Variants in TTBK2 observed in about 807,000 individuals in gnomAD.
TTBK2 encodes the protein tau tubulin kinase 2.
Under a neutral mutation model 110.8 loss-of-function variants are expected in TTBK2, and 28 were observed. The ratio of observed to expected loss-of-function variants is 0.25; its 90% CI spans 0.19 to 0.35. The LOEUF is 0.35. TTBK2 is among the 10% of genes least tolerant of loss of function. TTBK2 has a pLI of 1.00. For synonymous variants in TTBK2, 532 were observed against 527.3 expected, an observed-to-expected ratio of 1.01 and a Z score of -0.12; for missense variants, 1,369 against 1,500.3, an observed-to-expected ratio of 0.91 and a Z score of 1.45.
At chr15:42,764,825 G>A (rs1053535657) in intron 13 of TTBK2, among the ~76,000 whole-genome samples, 1 of 152,254 alleles carries the variant, frequency 6.6e-6, no homozygotes. Context: ...CCTGACACCC[G>A]TGTAGCCTAA....
intron 2 of TTBK2, among the ~76,000 whole-genome samples, chr15:42,874,145 T>A (rs1411504421): frequency 6.6e-6 from 1 of 152,174 alleles, no homozygotes; most frequent in Non-Finnish European, 1.5e-5. Context: ...CCATTGTCAA[T>A]GTCCTATCCT....
chr15:42,822,830 T>G (rs564013597), intron 6 of TTBK2, among the ~76,000 whole-genome samples: 9 of 152,142 alleles, frequency 5.9e-5, no homozygotes, highest in African/African-American at 2.2e-4. Context: ...ATTTTAACAA[T>G]TAAAACAAGA....
chr15:42,859,726 A>T (rs542125319), intron 3 of TTBK2, among the ~76,000 whole-genome samples: 1 of 152,370 alleles, frequency 6.6e-6, no homozygotes, highest in East Asian at 1.9e-4. Flanking sequence ...CAATTTGAAT[A>T]GAAAAAGCAA....
At chr15:42,760,844 C>T (rs754873148) in intron 13 of TTBK2, among the ~76,000 whole-genome samples, 4 of 151,998 alleles carry the variant, frequency 2.6e-5, no homozygotes, top group South Asian at 4.1e-4. Flanking sequence ...AAAAACAATC[C>T]GACCCCAAAT....
chr15:42,830,630 T>C (rs2140987815), intron 4 of TTBK2, among the ~76,000 whole-genome samples: 1 of 152,000 alleles, frequency 6.6e-6, no homozygotes, highest in Non-Finnish European at 1.5e-5. Flanking sequence ...TCTGAAGTCA[T>C]AACAAAAAAG....
At position 42,775,395 on chromosome 15, in the gene TTBK2, C is replaced by G; in HGVS notation, c.1738G>C (p.Asp580His). The change falls in exon 13 of 15, where the codon GAT (aspartate) becomes CAT (histidine). Residue 580 changes from aspartate to histidine, a missense_variant. By Grantham distance (81) the Asp-to-His change is moderately conservative. Transcript: ENST00000267890. ...VGHKTTGSPS[D>H]EEPEVLQVLE... ...ACTTGAAGTACTTCAGGCTCCTCAT[C>G]AGAAGGACTTCCAGTTGTTTTATGT... 4.3e-6 allele frequency: 7 copies of G among 1,614,230 alleles called. No homozygotes were observed. The highest frequency in any genetic ancestry group is 5.9e-6 in the Non-Finnish European group (7 of 1,180,046).
chr15:42,788,902 C>A (rs1156247001), intron 10 of TTBK2, among the ~76,000 whole-genome samples: 1 of 152,088 alleles, frequency 6.6e-6, no homozygotes, highest in Non-Finnish European at 1.5e-5. Flanking sequence ...TAGTATTTTA[C>A]TTCCTTAAAT....
At chr15:42,914,267 C>T (rs989737258) in intron 1 of TTBK2, among the ~76,000 whole-genome samples, 1 of 152,118 alleles carries the variant, frequency 6.6e-6, no homozygotes, top group Admixed American at 6.5e-5. Flanking sequence ...TGAGCCACCA[C>T]GCCTGGCCTT....
chr15:42,844,533 G>A (rs1447828692), intron 3 of TTBK2, among the ~76,000 whole-genome samples: 2 of 152,220 alleles, frequency 1.3e-5, no homozygotes, highest in Admixed American at 6.5e-5. Context: ...ACTCCAGCCT[G>A]GGTGACAGAG....
Position 42,748,720 on chromosome 15 carries a change from G to C in TTBK2, c.3273-2463C>G, listed in dbSNP as rs576380429. ...GAGCCACCACATTTGGCCCTGGAAAGCACTCTTCACTGGTTTACCACCTCC... is the reference window on the plus strand; with the variant it reads ...GAGCCACCACATTTGGCCCTGGAAACCACTCTTCACTGGTTTACCACCTCC... On this transcript the variant is annotated intron_variant, in intron 14 of 14. Transcript: ENST00000267890. 2.2e-4 allele frequency among the ~76,000 whole-genome samples: 34 copies of C among 152,196 alleles called. No individual in the cohort carries two copies. In the South Asian group the frequency reaches 6.6e-3, roughly 30 times the overall value.
In TTBK2 at chr15:42,763,714, C is replaced by T. The variant is rs116893941; in HGVS notation, c.1999-10467G>A. ...ATTATAACTTTTTTAAGAGGCCATACATGGTATCTTCCACTTTGGCCAATG... is the reference window on the plus strand; with the variant it reads ...ATTATAACTTTTTTAAGAGGCCATATATGGTATCTTCCACTTTGGCCAATG... On this transcript the variant is annotated intron_variant, in intron 13 of 14. Transcript: ENST00000267890. Among the ~76,000 whole-genome samples the T allele has an allele frequency of 2.4e-3, 365 of 152,240 alleles. 2 individuals carry two copies. The highest frequency in any genetic ancestry group is 3.6e-3 in the Non-Finnish European group (246 of 68,012).
At chr15:42,898,987 T>C (rs1047142242) in intron 1 of TTBK2, among the ~76,000 whole-genome samples, 3 of 152,122 alleles carry the variant, frequency 2.0e-5, no homozygotes, top group African/African-American at 7.2e-5. Context: ...AAGCAATTTG[T>C]AGAATTTTTT....
chr15:42,818,271 T>C (rs1047830181), intron 6 of TTBK2, among the ~76,000 whole-genome samples: 1 of 152,236 alleles, frequency 6.6e-6, no homozygotes, highest in Non-Finnish European at 1.5e-5. Context: ...CTGCCTGTCT[T>C]CTTTTAGTCT....
At chr15:42,900,525 C>T (rs1377022236) in intron 1 of TTBK2, among the ~76,000 whole-genome samples, 1 of 151,940 alleles carries the variant, frequency 6.6e-6, no homozygotes, top group South Asian at 2.1e-4. Flanking sequence ...TTGAGAATAG[C>T]CTGGCCAACA....
chr15:42,878,412 G>T, intron 2 of TTBK2, 137 bp downstream of exon 2: 1 of 1,494,214 alleles, frequency 6.7e-7, no homozygotes, highest in South Asian at 1.2e-5. Context: ...AACTGCTTTA[G>T]GCATATAAGT....
In TTBK2 at chr15:42,744,197, T is replaced by C. The variant is rs2061766110; in HGVS notation, c.*1598A>G. 1.3e-5 allele frequency: 2 copies of C among 152,222 alleles called. No individual in the cohort carries two copies. Among genetic ancestry groups the C allele is most frequent in the African/African-American group, 4.8e-5 (2 of 41,460 alleles). The allele number at this position is 152,222 out of a possible 1,614,324, so 9.4% of individuals were successfully genotyped here. A position where few individuals can be genotyped will look rare whatever the true frequency, so the allele number is the denominator to read the frequency against. On this transcript the variant is annotated 3_prime_UTR_variant, in exon 15 of 15. Coordinates refer to ENST00000267890, the MANE Select transcript of TTBK2 (RefSeq NM_173500.4). ...GCTACATTTCTTATAAGAGACGTTA[T>C]ATGCCTCAATAGTGTTTTGAGTTTG... is the stretch of plus-strand genomic sequence containing the variant.
chr15:42,819,348 C>CAA (rs199603804), intron 6 of TTBK2, among the ~76,000 whole-genome samples: 4 of 98,030 alleles, frequency 4.1e-5, no homozygotes, highest in East Asian at 2.8e-4. Flanking sequence ...GACTCTGTCT[C>CAA]AAAAAAAAAA....
At chr15:42,870,869 A>AG (rs957221506) in intron 3 of TTBK2, among the ~76,000 whole-genome samples, 14 of 152,124 alleles carry the variant, frequency 9.2e-5, no homozygotes, top group Non-Finnish European at 1.8e-4. Flanking sequence ...CAAAAAAAAA[A>AG]AAAAAAATCC....
At chr15:42,789,624 C>T (rs1477102417) in intron 10 of TTBK2, among the ~76,000 whole-genome samples, 1 of 152,054 alleles carries the variant, frequency 6.6e-6, no homozygotes, top group East Asian at 1.9e-4. Flanking sequence ...ATCCCAGCTA[C>T]TCAGGAGTCT....
Sources: gnomAD v4.1 joint callset for allele counts (sites outside exome capture counted in the v4.1 genomes callset) on GRCh38, gnomAD v4.1.1 for gene constraint, MANE v1.5 for transcripts, NCBI Gene and HGNC (gene_info 2026-07-23, HGNC 2026-07-21) for gene names.